The following HSD17B12 variants were observed in gnomAD, a reference collection of about 807,000 sequenced individuals.
HSD17B12 encodes the protein hydroxysteroid 17-beta dehydrogenase 12.
HSD17B12 carries 32 observed loss-of-function variants against 39.3 expected under a neutral mutation model. That is an observed-to-expected ratio of 0.81 (90% CI 0.61 to 1.09). The LOEUF (loss-of-function observed/expected upper bound fraction) is 1.09. Ranked by LOEUF, HSD17B12 falls within the 50% of genes least tolerant of loss-of-function variation. The probability of loss-of-function intolerance (pLI) is 0.00; values close to 1 mark genes in which losing one functional copy is unlikely to be tolerated. For synonymous variants in HSD17B12, 150 were observed against 146.7 expected (o/e 1.02, Z -0.16); for missense variants, 342 against 382.9 (o/e 0.89, Z 0.89).
At chr11:43,580,642 C>G in the HSD17B12 span, among the ~76,000 whole-genome samples, 58,413 of 151,628 alleles carry the variant, frequency 0.39, 12,369 homozygotes, top group East Asian at 0.7. Flanking sequence ...TGGGAGAGGT[C>G]GCTCTCTTAA....
chr11:43,604,544 A>G, the HSD17B12 span, among the ~76,000 whole-genome samples: 3 of 152,278 alleles, frequency 2.0e-5, no homozygotes, highest in African/African-American at 7.2e-5. Context: ...TACTGTTGTT[A>G]ATAAAATAAT....
intron 6 of HSD17B12, among the ~76,000 whole-genome samples, chr11:43,822,937 C>T (rs1196444475): frequency 6.6e-6 from 1 of 152,102 alleles, no homozygotes; most frequent in Admixed American, 6.5e-5. Context: ...AACTAGTTTA[C>T]AGTCCCACCA....
intron 1 of HSD17B12, among the ~76,000 whole-genome samples, chr11:43,739,802 CTG>C (rs1950348210): frequency 2.6e-5 from 4 of 152,114 alleles, no homozygotes; most frequent in Admixed American, 2.6e-4. Flanking sequence ...CTTGGAGGAA[CTG>C]TAAAAATTTC....
intron 1 of HSD17B12, among the ~76,000 whole-genome samples, chr11:43,685,783 A>G (rs926506372): frequency 6.6e-6 from 1 of 152,206 alleles, no homozygotes; most frequent in Non-Finnish European, 1.5e-5. Context: ...TACAAACTTT[A>G]TTAAAAGCTT....
intron 3 of HSD17B12, among the ~76,000 whole-genome samples, chr11:43,766,470 A>T (rs182991873): frequency 9.0e-4 from 137 of 152,292 alleles, no homozygotes; most frequent in African/African-American, 3.2e-3. Context: ...CCAGTTTTTT[A>T]GTTTAAGGCC....
At chr11:43,784,902 A>C (rs1338348455) in intron 3 of HSD17B12, among the ~76,000 whole-genome samples, 1 of 152,180 alleles carries the variant, frequency 6.6e-6, no homozygotes, top group Non-Finnish European at 1.5e-5. Context: ...TTAATAACAG[A>C]ACTTTTTAAA....
At chr11:43,821,694 G>A (rs113255904) in intron 6 of HSD17B12, among the ~76,000 whole-genome samples, 20 of 152,296 alleles carry the variant, frequency 1.3e-4, no homozygotes, top group African/African-American at 3.6e-4. Context: ...GAAGTGCCGC[G>A]TCTCCAGAGG....
chr11:43,822,660 AC>A (rs1951194469), intron 6 of HSD17B12, among the ~76,000 whole-genome samples: 1 of 152,092 alleles, frequency 6.6e-6, no homozygotes, highest in African/African-American at 2.4e-5. Flanking sequence ...CAGGACATGA[AC>A]TCATCCTTTT....
chr11:43,812,000 C>T (rs1278188225), intron 4 of HSD17B12, among the ~76,000 whole-genome samples: 1 of 152,184 alleles, frequency 6.6e-6, no homozygotes, highest in Admixed American at 6.5e-5. Context: ...GCTTATCTCA[C>T]TTAACACAGT....
intron 1 of HSD17B12, among the ~76,000 whole-genome samples, chr11:43,703,162 CA>C (rs1265083088): frequency 2.6e-5 from 4 of 152,142 alleles, no homozygotes; most frequent in African/African-American, 9.7e-5. Flanking sequence ...GGTACTAGGT[CA>C]TTTTTAAATA....
intron 4 of HSD17B12, among the ~76,000 whole-genome samples, chr11:43,802,733 A>G (rs1478512684): frequency 2.6e-5 from 4 of 152,184 alleles, no homozygotes; most frequent in African/African-American, 9.7e-5. Context: ...CAAGGATGCT[A>G]CTAAACATTC....
chr11:43,607,632 C>T, the HSD17B12 span, among the ~76,000 whole-genome samples: 1 of 152,098 alleles, frequency 6.6e-6, no homozygotes. Context: ...GATGAGGAAA[C>T]TGAAGCACAA....
intron 3 of HSD17B12, among the ~76,000 whole-genome samples, chr11:43,765,578 T>C (rs1950588304): frequency 6.6e-6 from 1 of 152,140 alleles, no homozygotes; most frequent in Non-Finnish European, 1.5e-5. Context: ...AGTTTCTTCA[T>C]CTCACACTCT....
At chr11:43,813,659 GC>G (rs1446355413) in intron 4 of HSD17B12, among the ~76,000 whole-genome samples, 3 of 152,148 alleles carry the variant, frequency 2.0e-5, no homozygotes, top group African/African-American at 7.2e-5. Flanking sequence ...TGAACATAAA[GC>G]CTTACCTTCA....
chr11:43,581,331 G>A, the HSD17B12 span: 1 of 472,842 alleles, frequency 2.1e-6, no homozygotes, highest in South Asian at 1.5e-5. The surrounding 1 kb of genome is among the most constrained non-coding windows in gnomAD (Gnocchi z 4.9). Context: ...AGCCTGTTCG[G>A]CTCCAGGGTT....
chr11:43,603,439 T>C, the HSD17B12 span, among the ~76,000 whole-genome samples: 14 of 152,182 alleles, frequency 9.2e-5, no homozygotes, highest in Admixed American at 9.2e-4. Flanking sequence ...CTGGTTGAGG[T>C]TCTGCATTTT....
At chr11:43,642,481 T>C in the HSD17B12 span, among the ~76,000 whole-genome samples, 1 of 151,846 alleles carries the variant, frequency 6.6e-6, no homozygotes, top group Non-Finnish European at 1.5e-5. Flanking sequence ...TAATGGAAAA[T>C]ATAATCTTAT....
intron 6 of HSD17B12, among the ~76,000 whole-genome samples, chr11:43,825,805 T>A (rs1951229512): frequency 6.6e-6 from 1 of 152,236 alleles, no homozygotes; most frequent in African/African-American, 2.4e-5. Context: ...CACTCTGCAT[T>A]GTTTTCTTCT....
In HSD17B12 at chr11:43,769,601, C is replaced by T. The variant is rs532783136; in HGVS notation, c.283+15480C>T. Among the ~76,000 whole-genome samples the T allele has an allele frequency of 4.6e-5, 7 of 152,310 alleles. No individual in the cohort carries two copies. In the East Asian group the frequency reaches 1.2e-3, roughly 25 times the overall value. On this transcript the variant is annotated intron_variant, in intron 3 of 10. Transcript: ENST00000278353. ...TTCCTTTATGGTATTAATCTAAAAT[C>T]TCAAGGCCTCTTGAATGTATGACAT...
Sources: allele counts gnomAD v4.1 joint callset (sites outside exome capture counted in the v4.1 genomes callset), GRCh38; gene constraint gnomAD v4.1.1; non-coding constraint Gnocchi (gnomAD v3.1); transcripts MANE v1.5; gene names NCBI Gene and HGNC (gene_info 2026-07-23, HGNC 2026-07-21).